Variants in PSD3 observed in about 807,000 individuals in gnomAD.
The protein encoded by PSD3 is PH and SEC7 domain-containing protein 3.
PSD3 carries 49 observed loss-of-function variants against 105.5 expected under a neutral mutation model. The ratio of observed to expected loss-of-function variants is 0.46; its 90% CI spans 0.37 to 0.59. The LOEUF (loss-of-function observed/expected upper bound fraction) is 0.59, where lower values mean the gene tolerates loss of function less well. Ranked by LOEUF, PSD3 falls within the 20% of genes least tolerant of loss-of-function variation. The pLI, the probability that PSD3 is intolerant of heterozygous loss-of-function variation, is 0.00. For missense variants in PSD3, 1,561 were observed against 1,263.8 expected (o/e 1.24, Z -3.57); for synonymous variants, 557 against 457.8 (o/e 1.22, Z -2.77).
chr8:18,748,866 G>A (rs1225931934), intron 9 of PSD3, among the ~76,000 whole-genome samples: 3 of 152,158 alleles, frequency 2.0e-5, no homozygotes, highest in Admixed American at 6.5e-5. Flanking sequence ...GGTAAGCCCT[G>A]TGGGGCAATA....
intron 2 of PSD3, among the ~76,000 whole-genome samples, chr8:18,908,285 T>C (rs972471854): frequency 2.6e-5 from 4 of 152,194 alleles, no homozygotes; most frequent in African/African-American, 4.8e-5. Context: ...TTTGGAAATA[T>C]ACACTTTAAA....
chr8:18,641,755 T>A (rs933134113), intron 10 of PSD3, among the ~76,000 whole-genome samples: 1 of 152,292 alleles, frequency 6.6e-6, no homozygotes, highest in African/African-American at 2.4e-5. Context: ...GTGGCTCACA[T>A]CTCAATACTG....
intron 1 of PSD3, among the ~76,000 whole-genome samples, chr8:19,073,055 G>A (rs1255261806): frequency 6.6e-6 from 1 of 152,144 alleles, no homozygotes; most frequent in Non-Finnish European, 1.5e-5. Flanking sequence ...TTAATTATCT[G>A]AGAATGTTGA....
At chr8:18,587,895 A>C (rs140583666) in intron 12 of PSD3, among the ~76,000 whole-genome samples, 30 of 152,266 alleles carry the variant, frequency 2.0e-4, no homozygotes, top group African/African-American at 5.8e-4. Flanking sequence ...GTAATCATAT[A>C]ATTTACTTTT....
intron 12 of PSD3, among the ~76,000 whole-genome samples, chr8:18,589,575 A>G (rs920738025): frequency 3.9e-5 from 6 of 152,228 alleles, no homozygotes; most frequent in African/African-American, 1.4e-4. Flanking sequence ...GATAAAAAAT[A>G]AAACAAAAAA....
intron 8 of PSD3, among the ~76,000 whole-genome samples, chr8:18,783,446 C>G (rs1808832423): frequency 6.6e-6 from 1 of 152,110 alleles, no homozygotes; most frequent in Non-Finnish European, 1.5e-5. Flanking sequence ...CTCTTCTATT[C>G]TCTGTTTAAT....
chr8:18,916,335 TATATATATATATATACAC>T (rs1820594724), intron 2 of PSD3, among the ~76,000 whole-genome samples: 1 of 43,542 alleles, frequency 2.3e-5, no homozygotes, highest in African/African-American at 1.3e-4. Context: ...TATATATATA[TATATATATATATATACAC>T]ACACACACAC....
intron 14 of PSD3, among the ~76,000 whole-genome samples, chr8:18,563,235 A>G (rs1479501907): frequency 6.6e-6 from 1 of 152,238 alleles, no homozygotes; most frequent in Non-Finnish European, 1.5e-5. Context: ...TTAAGCTCTC[A>G]GAAGTTGAGG....
intron 14 of PSD3, 128 bp from the exon 15 acceptor site, chr8:18,556,480 C>T: frequency 1.1e-6 from 1 of 898,900 alleles, no homozygotes; most frequent in Non-Finnish European, 1.7e-6. Context: ...TGTGCCTCTG[C>T]TGCCACATCC....
intron 8 of PSD3, among the ~76,000 whole-genome samples, chr8:18,775,909 C>T (rs1457459415): frequency 6.6e-6 from 1 of 152,164 alleles, no homozygotes; most frequent in African/African-American, 2.4e-5. Context: ...CGACCCCCTG[C>T]AAAATCTTTA....
At chr8:18,758,935 G>A (rs1182668417) in intron 9 of PSD3, among the ~76,000 whole-genome samples, 3 of 152,066 alleles carry the variant, frequency 2.0e-5, no homozygotes, top group Admixed American at 6.5e-5. Context: ...GTATTTGAAT[G>A]ACAACTTTCA....
intron 9 of PSD3, among the ~76,000 whole-genome samples, chr8:18,662,399 A>C (rs1809412231): frequency 6.6e-6 from 1 of 152,204 alleles, no homozygotes; most frequent in Non-Finnish European, 1.5e-5. Flanking sequence ...TAGTCAGCTA[A>C]TGGAGTCAAC....
At chr8:19,039,008 A>G (rs572313886) in intron 1 of PSD3, among the ~76,000 whole-genome samples, 80 of 152,280 alleles carry the variant, frequency 5.3e-4, no homozygotes, top group African/African-American at 1.8e-3. Flanking sequence ...CAGAGCTCTT[A>G]ACCACTAAGC....
intron 15 of PSD3, 52 bp from the exon 16 acceptor site, chr8:18,536,010 C>G (rs772861387): frequency 1.3e-6 from 2 of 1,532,428 alleles, no homozygotes; most frequent in Non-Finnish European, 1.8e-6. Flanking sequence ...TCAAAATGCA[C>G]GTGTGCAGCA....
chr8:18,745,443 C>T (rs1045933759), intron 9 of PSD3, among the ~76,000 whole-genome samples: 1 of 152,162 alleles, frequency 6.6e-6, no homozygotes, highest in Non-Finnish European at 1.5e-5. Flanking sequence ...TCAAATTGTT[C>T]CAGCTTTGGC....
intron 4 of PSD3, among the ~76,000 whole-genome samples, chr8:18,841,467 A>AACAC (rs35771611): frequency 0.027 from 4,055 of 148,214 alleles, 72 homozygotes; most frequent in South Asian, 0.075. Context: ...CTGCTATTTA[A>AACAC]ACACACACAC....
At chr8:18,886,458 CAGGGG>C (rs1259983225) in intron 2 of PSD3, among the ~76,000 whole-genome samples, 2 of 152,142 alleles carry the variant, frequency 1.3e-5, no homozygotes, top group Non-Finnish European at 2.9e-5. Flanking sequence ...GGTCTAGCCC[CAGGGG>C]TCTCCTACTG....
At chr8:18,600,469 A>C in intron 11 of PSD3, 35 bp from the exon 12 acceptor site, 1 of 1,470,242 alleles carries the variant, frequency 6.8e-7, no homozygotes, top group Non-Finnish European at 9.4e-7. Context: ...ATTTTATTTG[A>C]CATCAGCATT....
chr8:18,706,165 G>C (rs925471789), intron 9 of PSD3, among the ~76,000 whole-genome samples: 1 of 152,158 alleles, frequency 6.6e-6, no homozygotes, highest in African/African-American at 2.4e-5. Context: ...AAGACGCTTA[G>C]AGCAGAGCTC....
Sources: gnomAD v4.1 joint callset for allele counts (sites outside exome capture counted in the v4.1 genomes callset) on GRCh38, gnomAD v4.1.1 for gene constraint, MANE v1.5 for transcripts, NCBI Gene and HGNC (gene_info 2026-07-23, HGNC 2026-07-21) for gene names.